Variants in DHX8 observed in about 807,000 individuals in gnomAD.
The protein encoded by DHX8 is ATP-dependent RNA helicase DHX8.
A neutral mutation model predicts 140.7 loss-of-function variants in DHX8; 67 were observed. The ratio of observed to expected loss-of-function variants is 0.48; its 90% CI spans 0.39 to 0.58. The LOEUF (loss-of-function observed/expected upper bound fraction) is 0.58. Ranked by LOEUF, DHX8 falls within the 20% of genes least tolerant of loss-of-function variation. The pLI is 0.00. For synonymous variants in DHX8, 533 were observed against 553.2 expected (o/e 0.96, Z 0.51); for missense variants, 887 against 1,550.7 (o/e 0.57, Z 7.19).
At chr17:43,495,937 A>C (rs767467497) in intron 8 of DHX8, among the ~76,000 whole-genome samples, 2 of 152,040 alleles carry the variant, frequency 1.3e-5, no homozygotes, top group East Asian at 3.9e-4. Context: ...GTTTCTAGAA[A>C]AAATTTAAAA....
chr17:43,484,213 C>T, intron 1 of DHX8, 28 bp downstream of exon 1: 1 of 1,600,840 alleles, frequency 6.2e-7, no homozygotes, highest in Non-Finnish European at 8.5e-7. Flanking sequence ...CCTGGGACCT[C>T]AGTTTGGGAT....
downstream of DHX8, chr17:43,529,676 C>T: frequency 6.2e-7 from 1 of 1,605,774 alleles, no homozygotes; most frequent in East Asian, 2.2e-5. Flanking sequence ...CTTGATGTCT[C>T]CTGGGGAACA....
intron 8 of DHX8, 46 bp from the exon 9 acceptor site, chr17:43,496,135 T>G: frequency 6.7e-7 from 1 of 1,482,690 alleles, no homozygotes; most frequent in East Asian, 2.3e-5. Context: ...AAAAAAAAGT[T>G]TTGATCTTAG....
In DHX8 at chr17:43,504,831, A is replaced by C. The variant is rs756205398; in HGVS notation, c.1728+6A>C. 6.2e-7 allele frequency: 1 copy of C among 1,611,206 alleles called. No homozygotes were observed. The highest frequency in any genetic ancestry group is 2.2e-5 in the East Asian group (1 of 44,820). On this transcript the variant is annotated splice_donor_region_variant and intron_variant, in intron 12 of 22. Transcript: ENST00000262415. ...TGAAGGAGCAATTGGTCCAGGTGAG[A>C]AGACTTTTATGATGTATTGGTGGGG...
chr17:43,511,456 A>ATTTTTTTTGTTTTTTT (rs1969823736), intron 16 of DHX8, among the ~76,000 whole-genome samples: 1 of 56,790 alleles, frequency 1.8e-5, no homozygotes, highest in Non-Finnish European at 2.9e-5. Context: ...TGATCCCAGC[A>ATTTTTTTTGTTTTTTT]TTTTTTTTTT....
Position 43,491,193 on chromosome 17 carries a change from A to G in DHX8, c.336A>G (p.Lys112=). The part of the protein sequence containing the change: ...KDPVVKPKTE[K]EKLKELFPVL... The stretch of plus-strand genomic sequence containing the variant: ...CAGTTGTTAAACCTAAAACAGAAAA[A>G]GAAAAGCTGAAGGAACTCTTCCCAG... The change falls in exon 4 of 23, where the codon AAA becomes AAG. Residue 112 remains lysine (K), a synonymous_variant. Transcript: ENST00000262415. 2.6e-6 allele frequency: 4 copies of G among 1,541,416 alleles called. No individual in the cohort carries two copies. Among genetic ancestry groups the G allele is most frequent in the Non-Finnish European group, 3.5e-6 (4 of 1,144,630 alleles).
downstream of DHX8, chr17:43,529,623 G>A (rs1018248763): frequency 5.6e-6 from 9 of 1,614,070 alleles, no homozygotes; most frequent in East Asian, 6.7e-5. Flanking sequence ...GCACCCCGGC[G>A]CTGGTAGGGC....
At position 43,515,762 on chromosome 17, in the gene DHX8, A is replaced by G. The variant is rs149600993; in HGVS notation, c.2644-1405A>G. On this transcript the variant is annotated intron_variant, in intron 17 of 22. Coordinates refer to ENST00000262415, the MANE Select transcript of DHX8 (RefSeq NM_004941.3). ...TGCCTGTCCTGATTTGGAGAGAGAC[A>G]TGTGTAGAATGCTGTAGAGTCCAGC... Among the ~76,000 whole-genome samples, 786 of 152,188 alleles carry G rather than the reference A, an allele frequency of 5.2e-3. 6 individuals carry two copies. The highest frequency in any genetic ancestry group is 0.018 in the African/African-American group (751 of 41,518).
At chr17:43,543,276 A>ACTCT (rs60214474) in intron 3 of DHX8, among the ~76,000 whole-genome samples, 43,051 of 138,114 alleles carry the variant, frequency 0.31, 9,843 homozygotes, top group African/African-American at 0.65. Flanking sequence ...ACACACACAC[A>ACTCT]CTCTCTCTCT....
intron 1 of DHX8, among the ~76,000 whole-genome samples, chr17:43,485,177 A>G (rs1306557873): frequency 6.6e-6 from 1 of 152,182 alleles, no homozygotes; most frequent in Non-Finnish European, 1.5e-5. Context: ...ATACAGTTGC[A>G]GATTCAGATG....
At chr17:43,511,983 A>G (rs1033373716) in intron 16 of DHX8, among the ~76,000 whole-genome samples, 21 of 152,070 alleles carry the variant, frequency 1.4e-4, no homozygotes, top group African/African-American at 4.8e-4. Flanking sequence ...TCACACCACT[A>G]TACTCCAGCC....
At chr17:43,517,558 G>T in intron 18 of DHX8, 1 of 488,836 alleles carries the variant, frequency 2.0e-6, no homozygotes. Context: ...CAGGATATTA[G>T]GTTGTAAAAG....
At chr17:43,496,087 G>A (rs1567679670) in intron 8 of DHX8, 94 bp from the exon 9 acceptor site, 1 of 908,012 alleles carries the variant, frequency 1.1e-6, no homozygotes, top group East Asian at 2.5e-5. Flanking sequence ...GACAGAGCAA[G>A]ATCCTGTCTC....
chr17:43,526,154 G>A (rs932334867), downstream of DHX8: 1 of 985,238 alleles, frequency 1.0e-6, no homozygotes, highest in Non-Finnish European at 1.2e-6. Context: ...CTGTCCAGAT[G>A]CAGAAGGGGA....
chr17:43,535,833 C>T (rs957838524), intron 2 of DHX8, among the ~76,000 whole-genome samples: 3 of 152,136 alleles, frequency 2.0e-5, no homozygotes, highest in East Asian at 1.9e-4. Context: ...GAACTGGGGG[C>T]GGGCGCACTG....
intron 1 of DHX8, among the ~76,000 whole-genome samples, chr17:43,487,275 G>A (rs1395032392): frequency 6.6e-6 from 1 of 152,218 alleles, no homozygotes; most frequent in African/African-American, 2.4e-5. Context: ...CGTGTAGCCT[G>A]ATGGCATTTG....
chr17:43,526,105 AGCT>A (rs1970606586), downstream of DHX8: 3 of 985,226 alleles, frequency 3.0e-6, no homozygotes, highest in African/African-American at 5.2e-5. Flanking sequence ...CAATGTCAGC[AGCT>A]GAGCTGAGCC....
downstream of DHX8, chr17:43,529,089 C>A (rs988391364): frequency 3.8e-6 from 6 of 1,581,070 alleles, no homozygotes; most frequent in Non-Finnish European, 5.2e-6. Context: ...CAGCTTCTCA[C>A]AGCCACTGCC....
chr17:43,490,725 T>G (rs946118426), intron 3 of DHX8, among the ~76,000 whole-genome samples: 2 of 152,070 alleles, frequency 1.3e-5, no homozygotes, highest in Non-Finnish European at 1.5e-5. Context: ...AATAAAAAAA[T>G]TAGCCAGGCA....
Sources: gnomAD v4.1 joint callset for allele counts (sites outside exome capture counted in the v4.1 genomes callset) on GRCh38, gnomAD v4.1.1 for gene constraint, MANE v1.5 for transcripts, NCBI Gene and HGNC (gene_info 2026-07-23, HGNC 2026-07-21) for gene names.